The following SAMD12 variants were observed in gnomAD, a reference collection of about 807,000 sequenced individuals.
The protein encoded by SAMD12 is sterile alpha motif domain containing 12, also known as sterile alpha motif domain-containing protein 12.
A neutral mutation model predicts 15.0 loss-of-function variants in SAMD12; 9 were observed. The observed-to-expected ratio is 0.60, with a 90% CI of 0.36 to 1.05. The LOEUF is 1.05. Among genes scored for constraint, SAMD12 ranks in the 50% least tolerant of loss-of-function variants. The pLI is 0.01. For missense variants in SAMD12, 230 were observed against 234.2 expected (o/e 0.98, Z 0.12); for synonymous variants, 86 against 90.1 (o/e 0.96, Z 0.25).
chr8:118,142,444 C>A, the SAMD12 span, among the ~76,000 whole-genome samples: 3 of 152,220 alleles, frequency 2.0e-5, no homozygotes, highest in Admixed American at 6.5e-5. Flanking sequence ...TGGGAACCTT[C>A]TCCTGTCCAT....
At chr8:118,543,785 A>G (rs1401317040) in intron 2 of SAMD12, among the ~76,000 whole-genome samples, 1 of 151,912 alleles carries the variant, frequency 6.6e-6, no homozygotes, top group African/African-American at 2.4e-5. Context: ...CAGAATATAT[A>G]TTTGCATTAA....
At chr8:118,287,239 C>T (rs1292613136) in intron 4 of SAMD12, among the ~76,000 whole-genome samples, 2 of 151,902 alleles carry the variant, frequency 1.3e-5, no homozygotes, top group Non-Finnish European at 2.9e-5. Context: ...ATTCTCCTGC[C>T]TCAGCCTTCC....
intron 2 of SAMD12, among the ~76,000 whole-genome samples, chr8:118,487,322 A>C (rs372044487): frequency 1.3e-5 from 2 of 152,204 alleles, no homozygotes; most frequent in African/African-American, 4.8e-5. Context: ...AAGCTTTGAA[A>C]GGAATTCAGG....
At chr8:118,328,491 T>C (rs1321298577) in intron 4 of SAMD12, among the ~76,000 whole-genome samples, 1 of 152,232 alleles carries the variant, frequency 6.6e-6, no homozygotes. Flanking sequence ...TTAATAATTA[T>C]TTGTGCAATT....
In SAMD12 at chr8:118,421,065, A is replaced by G. The variant is rs1172062347; in HGVS notation, c.322+18767T>C. Among the ~76,000 whole-genome samples, 8 of 152,206 alleles carry G rather than the reference A, an allele frequency of 5.3e-5. No individual in the cohort carries two copies. The East Asian group carries it at 1.5e-3, about 29-fold the overall frequency. ...GTTTGCCTAAACCCAGTTTAGAAGA[A>G]TCCTCCTAATATGGTCTTACCTATT... On this transcript the variant is annotated intron_variant, in intron 3 of 3. Transcript: ENST00000314727.
intron 4 of SAMD12, among the ~76,000 whole-genome samples, chr8:118,335,410 A>G (rs1817009286): frequency 6.6e-6 from 1 of 152,174 alleles, no homozygotes; most frequent in Non-Finnish European, 1.5e-5. Flanking sequence ...TTCCCTCACT[A>G]TTTAGGGGAC....
intron 4 of SAMD12, among the ~76,000 whole-genome samples, chr8:118,357,027 T>C (rs763211935): frequency 2.6e-5 from 4 of 152,216 alleles, no homozygotes; most frequent in Non-Finnish European, 5.9e-5. Flanking sequence ...CTTGGTTTCA[T>C]TTCTGCTCTC....
At chr8:118,580,686 T>C (rs1827270195) in intron 2 of SAMD12, 29 bp downstream of exon 2, 1 of 1,566,440 alleles carries the variant, frequency 6.4e-7, no homozygotes, top group African/African-American at 1.4e-5. Context: ...AGCTTTCAAA[T>C]CTCCGTAATT....
intron 3 of SAMD12, among the ~76,000 whole-genome samples, chr8:118,418,880 T>G (rs781043939): frequency 1.4e-4 from 21 of 152,236 alleles, no homozygotes; most frequent in African/African-American, 4.8e-4. Flanking sequence ...TTCTAGTCCA[T>G]CTGTCCCTGA....
intron 2 of SAMD12, among the ~76,000 whole-genome samples, chr8:118,520,204 G>A (rs1315501631): frequency 6.6e-6 from 1 of 151,920 alleles, no homozygotes. Context: ...CTGAAGTACA[G>A]TACCTGCTTT....
chr8:118,615,549 G>A (rs1185631247), intron 1 of SAMD12, among the ~76,000 whole-genome samples: 2 of 152,124 alleles, frequency 1.3e-5, no homozygotes, highest in African/African-American at 4.8e-5. Flanking sequence ...GCCTGTGAAT[G>A]AGCATTTGCA....
At chr8:118,551,704 C>CA (rs1283275107) in intron 2 of SAMD12, among the ~76,000 whole-genome samples, 1 of 148,768 alleles carries the variant, frequency 6.7e-6, no homozygotes, top group African/African-American at 2.5e-5. Flanking sequence ...AATAGAGACA[C>CA]AAAAAACCCT....
chr8:118,212,175 G>A (rs1409442439), intron 4 of SAMD12, among the ~76,000 whole-genome samples: 2 of 152,034 alleles, frequency 1.3e-5, no homozygotes, highest in African/African-American at 4.8e-5. Context: ...CCAGAATGGA[G>A]TGTAGTGGCC....
the SAMD12 span, among the ~76,000 whole-genome samples, chr8:118,132,991 TATATATATATATA>T: frequency 2.5e-5 from 2 of 78,614 alleles, no homozygotes; most frequent in Non-Finnish European, 5.4e-5. Context: ...TATATATATA[TATATATATATATA>T]TATATATATA....
intron 4 of SAMD12, among the ~76,000 whole-genome samples, chr8:118,319,969 A>G (rs1262425253): frequency 6.6e-6 from 1 of 152,142 alleles, no homozygotes; most frequent in Non-Finnish European, 1.5e-5. Flanking sequence ...GTATCTTAGG[A>G]GTAGGTGTGG....
At chr8:118,555,640 T>C (rs949899605) in intron 2 of SAMD12, among the ~76,000 whole-genome samples, 2 of 152,178 alleles carry the variant, frequency 1.3e-5, no homozygotes, top group Non-Finnish European at 2.9e-5. Context: ...TATCATAAAA[T>C]TTAAATAAGA....
chr8:118,497,620 C>T (rs1395284866), intron 2 of SAMD12, among the ~76,000 whole-genome samples: 1 of 148,890 alleles, frequency 6.7e-6, no homozygotes, highest in Non-Finnish European at 1.5e-5. Context: ...ATGCTCACTA[C>T]CTGGGTAACA....
chr8:118,237,999 G>C (rs1296221242), intron 4 of SAMD12, among the ~76,000 whole-genome samples: 2 of 151,906 alleles, frequency 1.3e-5, no homozygotes, highest in Non-Finnish European at 2.9e-5. Flanking sequence ...TTTGTGATTT[G>C]GTTATTTGTC....
chr8:118,620,891 C>A (rs1432909747), intron 1 of SAMD12: 1 of 152,238 alleles, frequency 6.6e-6, no homozygotes, highest in Admixed American at 6.5e-5. Context: ...GCTCCCATTT[C>A]GTCCCACAAT....
Sources: gnomAD v4.1 joint callset for allele counts (sites outside exome capture counted in the v4.1 genomes callset) on GRCh38, gnomAD v4.1.1 for gene constraint, MANE v1.5 for transcripts, NCBI Gene and HGNC (gene_info 2026-07-23, HGNC 2026-07-21) for gene names.